FSTL5: variants seen among roughly 807,000 people sequenced by gnomAD.
FSTL5 encodes follistatin like 5.
In FSTL5, 62 loss-of-function variants were observed where a neutral mutation model predicts 89.1. That is an observed-to-expected ratio of 0.70 (90% CI 0.57 to 0.86). FSTL5 has a LOEUF of 0.86. Among genes scored for constraint, FSTL5 ranks in the 40% least tolerant of loss-of-function variants. FSTL5 has a pLI of 0.00. For synonymous variants in FSTL5, 383 were observed against 346.2 expected (o/e 1.11, Z -1.18); for missense variants, 1,057 against 1,001.6 (o/e 1.06, Z -0.75).
At chr4:162,151,933 A>G (rs1056792240) in intron 1 of FSTL5, among the ~76,000 whole-genome samples, 6 of 152,228 alleles carry the variant, frequency 3.9e-5, no homozygotes, top group African/African-American at 1.4e-4. Flanking sequence ...AGCTCCCTCT[A>G]CTGATTTTTA....
rs967625420 is a variant in FSTL5 at position 161,586,562 on chromosome 4, T to G, written c.1015+893A>C. ...TTATAACTCCACCATTAAGACTATA[T>G]TTTAAGCTACCACTATCTCTTACTT... On this transcript the variant is annotated intron_variant, in intron 8 of 15. Transcript: ENST00000306100. Among the ~76,000 whole-genome samples the G allele has an allele frequency of 2.0e-5, 3 of 152,220 alleles. No homozygotes were observed. In the South Asian group the frequency reaches 6.2e-4, roughly 32 times the overall value.
At chr4:161,736,947 C>CAT (rs1262169166) in intron 6 of FSTL5, among the ~76,000 whole-genome samples, 8 of 151,916 alleles carry the variant, frequency 5.3e-5, no homozygotes, top group African/African-American at 1.9e-4. Flanking sequence ...TTGCAATGTC[C>CAT]ATATATACCC....
At chr4:161,926,020 T>C (rs1255177820) in intron 3 of FSTL5, among the ~76,000 whole-genome samples, 1 of 151,846 alleles carries the variant, frequency 6.6e-6, no homozygotes, top group African/African-American at 2.4e-5. Context: ...AATGGAAAAA[T>C]TGTGAAACTA....
intron 6 of FSTL5, among the ~76,000 whole-genome samples, chr4:161,710,193 C>G (rs913310907): frequency 6.6e-5 from 10 of 152,060 alleles, no homozygotes; most frequent in Admixed American, 5.9e-4. Flanking sequence ...GTCTCAAACT[C>G]CTGGTCTTAA....
At chr4:162,021,414 G>A (rs1482538619) in intron 3 of FSTL5, among the ~76,000 whole-genome samples, 1 of 152,046 alleles carries the variant, frequency 6.6e-6, no homozygotes, top group Non-Finnish European at 1.5e-5. Context: ...TGCCTTATAT[G>A]TAAAATTATA....
At chr4:161,587,613 G>A in intron 7 of FSTL5, 38 bp from the exon 8 acceptor site, 1 of 1,517,950 alleles carries the variant, frequency 6.6e-7, no homozygotes, top group African/African-American at 1.4e-5. Flanking sequence ...TTTGCATTTT[G>A]AATTAATTGT....
intron 15 of FSTL5, among the ~76,000 whole-genome samples, chr4:161,401,479 C>T (rs551427856): frequency 6.6e-6 from 1 of 152,216 alleles, no homozygotes; most frequent in East Asian, 1.9e-4. Flanking sequence ...TAAATCATAA[C>T]ATTTCTACAA....
intron 4 of FSTL5, among the ~76,000 whole-genome samples, chr4:161,918,721 T>G (rs913277855): frequency 1.2e-4 from 18 of 152,036 alleles, no homozygotes; most frequent in Admixed American, 1.3e-4. Context: ...CTCGGCTCAC[T>G]GCAACCTCCG....
chr4:161,680,794 TA>T (rs1424487572), intron 6 of FSTL5, among the ~76,000 whole-genome samples: 1 of 151,996 alleles, frequency 6.6e-6, no homozygotes, highest in East Asian at 1.9e-4. Context: ...AAAGATTAAG[TA>T]AACATTTCAG....
At chr4:161,730,713 G>T (rs1329051407) in intron 6 of FSTL5, among the ~76,000 whole-genome samples, 1 of 152,100 alleles carries the variant, frequency 6.6e-6, no homozygotes, top group African/African-American at 2.4e-5. Flanking sequence ...CCAGAATGCA[G>T]GGTCTACAGA....
intron 2 of FSTL5, among the ~76,000 whole-genome samples, chr4:162,080,519 T>C (rs1579010959): frequency 6.6e-6 from 1 of 151,688 alleles, no homozygotes; most frequent in Non-Finnish European, 1.5e-5. Context: ...AGTGAGAGAG[T>C]AGTCCTAGAA....
chr4:161,933,789 T>C (rs1337481265), intron 3 of FSTL5, among the ~76,000 whole-genome samples: 2 of 151,982 alleles, frequency 1.3e-5, no homozygotes, highest in African/African-American at 2.4e-5. Flanking sequence ...TGTACAGTTA[T>C]CCCAATAAAA....
intron 13 of FSTL5, among the ~76,000 whole-genome samples, chr4:161,469,796 C>T (rs909532608): frequency 6.6e-6 from 1 of 151,984 alleles, no homozygotes; most frequent in African/African-American, 2.4e-5. Context: ...CACCACCACG[C>T]CCGGCTACTT....
intron 7 of FSTL5, among the ~76,000 whole-genome samples, chr4:161,596,679 T>C (rs1349314175): frequency 3.9e-5 from 6 of 152,076 alleles, no homozygotes; most frequent in South Asian, 2.1e-4. Flanking sequence ...AAGTTCTAAA[T>C]GGTTGTTGAG....
intron 13 of FSTL5, among the ~76,000 whole-genome samples, chr4:161,479,105 G>A (rs1165465739): frequency 6.6e-6 from 1 of 151,970 alleles, no homozygotes; most frequent in African/African-American, 2.4e-5. Flanking sequence ...CATTTGGACT[G>A]TGCCCCAATT....
At chr4:161,624,531 T>C (rs1448078402) in intron 7 of FSTL5, among the ~76,000 whole-genome samples, 1 of 151,742 alleles carries the variant, frequency 6.6e-6, no homozygotes, top group Non-Finnish European at 1.5e-5. Context: ...CTTTATATTA[T>C]AGAGCTACAG....
intron 15 of FSTL5, among the ~76,000 whole-genome samples, chr4:161,402,591 G>T (rs1731219275): frequency 6.6e-6 from 1 of 152,120 alleles, no homozygotes; most frequent in Non-Finnish European, 1.5e-5. Context: ...TCTTCCTTGT[G>T]TTGGCTATAC....
At chr4:161,900,496 A>G (rs1017744560) in intron 4 of FSTL5, among the ~76,000 whole-genome samples, 11 of 151,678 alleles carry the variant, frequency 7.3e-5, no homozygotes, top group Non-Finnish European at 1.5e-4. Context: ...AAAATTAGCC[A>G]GGCATGGTGG....
chr4:161,969,770 A>C (rs1237379401), intron 3 of FSTL5, among the ~76,000 whole-genome samples: 1 of 152,084 alleles, frequency 6.6e-6, no homozygotes, highest in Admixed American at 6.6e-5. Context: ...ATGAATAAGA[A>C]CCTTTTTTTG....
Sources: allele counts gnomAD v4.1 joint callset (sites outside exome capture counted in the v4.1 genomes callset), GRCh38; gene constraint gnomAD v4.1.1; transcripts MANE v1.5; gene names NCBI Gene and HGNC (gene_info 2026-07-23, HGNC 2026-07-21).